Variants in PKIB observed in about 807,000 individuals in gnomAD.
PKIB encodes the protein cAMP-dependent protein kinase inhibitor beta, also known as PKI-beta.
A neutral mutation model predicts 4.5 loss-of-function variants in PKIB; 2 were observed. The ratio of observed to expected loss-of-function variants is 0.44; its 90% CI spans 0.18 to 1.39. The LOEUF (loss-of-function observed/expected upper bound fraction) is 1.39, where lower values mean the gene tolerates loss of function less well. Ranked by LOEUF, PKIB falls within the 40% of genes most tolerant of loss-of-function variation. The pLI, the probability that PKIB is intolerant of heterozygous loss-of-function variation, is 0.27. For synonymous variants in PKIB, 38 were observed against 36.0 expected (o/e 1.06, Z -0.20); for missense variants, 94 against 92.6 (o/e 1.02, Z -0.06).
chr6:122,505,069 G>A (rs184023261), intron 2 of PKIB, among the ~76,000 whole-genome samples: 12 of 152,340 alleles, frequency 7.9e-5, no homozygotes, highest in East Asian at 5.8e-4. Context: ...CAGGGAGGCA[G>A]TACGTCATAG....
In PKIB at chr6:122,524,676, T is replaced by C. The variant is rs183969285; in HGVS notation, c.-248+46737T>C. 6.3e-3 allele frequency among the ~76,000 whole-genome samples: 961 copies of C among 152,216 alleles called. 10 individuals are homozygous for C. Among genetic ancestry groups the C allele is most frequent in the Middle Eastern group, 0.014 (4 of 294 alleles). Reference sequence around the variant, plus strand: ...TTTACTTTTTATTGGCCTGTTCAGATTTTCTATTTCTTCATGAGTCAGTCT... The same window carrying C: ...TTTACTTTTTATTGGCCTGTTCAGACTTTCTATTTCTTCATGAGTCAGTCT... On this transcript the variant is annotated intron_variant, in intron 2 of 6. Coordinates refer to the PKIB transcript ENST00000392491.
chr6:122,668,403 T>C (rs191515509), intron 2 of PKIB, among the ~76,000 whole-genome samples: 5 of 152,300 alleles, frequency 3.3e-5, no homozygotes, highest in Middle Eastern at 3.4e-3. Flanking sequence ...GGATATCAAT[T>C]TCTCATACTA....
intron 1 of PKIB, among the ~76,000 whole-genome samples, chr6:122,628,049 T>G (rs1775532333): frequency 6.6e-6 from 1 of 151,976 alleles, no homozygotes; most frequent in Non-Finnish European, 1.5e-5. Context: ...GTTCTTTTTT[T>G]TTTTTTTGAG....
At chr6:122,530,944 G>A (rs2114616632) in intron 2 of PKIB, among the ~76,000 whole-genome samples, 1 of 152,218 alleles carries the variant, frequency 6.6e-6, no homozygotes, top group Middle Eastern at 3.4e-3. Flanking sequence ...TTTTACAATG[G>A]CTTACTTAAG....
chr6:122,541,400 T>C (rs931121555), intron 2 of PKIB, among the ~76,000 whole-genome samples: 40 of 151,662 alleles, frequency 2.6e-4, no homozygotes, highest in Non-Finnish European at 5.5e-4. Flanking sequence ...TCTCTCAGCA[T>C]TTGCTTGTCT....
intron 2 of PKIB, among the ~76,000 whole-genome samples, chr6:122,488,604 A>G (rs927852688): frequency 6.8e-6 from 1 of 147,596 alleles, no homozygotes; most frequent in Non-Finnish European, 1.5e-5. Context: ...TAATTTTTGT[A>G]TTTTTTTTTT....
chr6:122,656,553 A>G (rs1319005081), intron 2 of PKIB, among the ~76,000 whole-genome samples: 1 of 152,170 alleles, frequency 6.6e-6, no homozygotes, highest in East Asian at 1.9e-4. Flanking sequence ...CATTCATGCC[A>G]CATATCTGGC....
At chr6:122,506,671 G>A (rs957161504) in intron 2 of PKIB, among the ~76,000 whole-genome samples, 1 of 149,780 alleles carries the variant, frequency 6.7e-6, no homozygotes, top group Non-Finnish European at 1.5e-5. Context: ...TTATTTTGTA[G>A]TACCAGTGTG....
intron 2 of PKIB, among the ~76,000 whole-genome samples, chr6:122,502,672 C>T (rs549435596): frequency 6.6e-6 from 1 of 152,284 alleles, no homozygotes; most frequent in South Asian, 2.1e-4. Flanking sequence ...TACAATTCCA[C>T]ATGATGTTTG....
At chr6:122,526,025 A>G (rs1345257384) in intron 2 of PKIB, among the ~76,000 whole-genome samples, 1 of 152,154 alleles carries the variant, frequency 6.6e-6, no homozygotes, top group Admixed American at 6.5e-5. Flanking sequence ...AGTAATGTTC[A>G]TAGCATCTGC....
intron 2 of PKIB, among the ~76,000 whole-genome samples, chr6:122,504,148 AT>A (rs989855467): frequency 1.1e-4 from 16 of 151,850 alleles, no homozygotes; most frequent in Admixed American, 3.9e-4. Flanking sequence ...AATGATAAAT[AT>A]TTTTTTTATG....
chr6:122,697,380 A>G (rs58103975), intron 3 of PKIB, among the ~76,000 whole-genome samples: 45,176 of 151,672 alleles, frequency 0.3, 7,516 homozygotes, highest in South Asian at 0.56. Context: ...ATGCTTTGAC[A>G]TCAGTTTAAA....
At chr6:122,569,543 A>G (rs921400837) in intron 2 of PKIB, among the ~76,000 whole-genome samples, 23 of 152,206 alleles carry the variant, frequency 1.5e-4, no homozygotes, top group African/African-American at 4.3e-4. Flanking sequence ...CAGCACACTA[A>G]GCCTATCAAC....
chr6:122,630,701 C>G (rs889021409), intron 1 of PKIB, among the ~76,000 whole-genome samples: 1 of 152,100 alleles, frequency 6.6e-6, no homozygotes, highest in Non-Finnish European at 1.5e-5. Flanking sequence ...TTAAAAAGCA[C>G]TATTAAAATT....
intron 2 of PKIB, among the ~76,000 whole-genome samples, chr6:122,634,945 GAA>G (rs1194939401): frequency 2.6e-5 from 3 of 116,030 alleles, no homozygotes; most frequent in Middle Eastern, 8.8e-3. Context: ...CCATCTCAAA[GAA>G]AAAAAAAAAA....
At chr6:122,502,654 G>T (rs1776277663) in intron 2 of PKIB, among the ~76,000 whole-genome samples, 1 of 152,120 alleles carries the variant, frequency 6.6e-6, no homozygotes, top group Non-Finnish European at 1.5e-5. Flanking sequence ...TCCTCAACCT[G>T]TGGGGATTAC....
At chr6:122,579,160 A>C (rs1381294340) in intron 2 of PKIB, among the ~76,000 whole-genome samples, 1 of 152,194 alleles carries the variant, frequency 6.6e-6, no homozygotes, top group African/African-American at 2.4e-5. Context: ...CAGGAGTTCA[A>C]GGTTGCCATA....
intron 2 of PKIB, among the ~76,000 whole-genome samples, chr6:122,549,241 T>A (rs1346739334): frequency 6.6e-6 from 1 of 152,200 alleles, no homozygotes. Flanking sequence ...GTATCATACA[T>A]ATGAGGCAAT....
intron 2 of PKIB, among the ~76,000 whole-genome samples, chr6:122,509,993 A>C (rs368010710): frequency 3.3e-5 from 5 of 151,802 alleles, no homozygotes; most frequent in Non-Finnish European, 7.4e-5. Flanking sequence ...TTTTTTCTCA[A>C]TATTGAGAAG....
Sources: gnomAD v4.1 joint callset for allele counts (sites outside exome capture counted in the v4.1 genomes callset) on GRCh38, gnomAD v4.1.1 for gene constraint, MANE v1.5 for transcripts, NCBI Gene and HGNC (gene_info 2026-07-23, HGNC 2026-07-21) for gene names.